Variants in ASIC2 observed in about 807,000 individuals in gnomAD.
The protein encoded by ASIC2 is acid-sensing ion channel 2.
Under a neutral mutation model 57.3 loss-of-function variants are expected in ASIC2, and 25 were observed. That is an observed-to-expected ratio of 0.44 (90% CI 0.32 to 0.61). The LOEUF is 0.61. Among genes scored for constraint, ASIC2 ranks in the 20% least tolerant of loss-of-function variants. The probability of loss-of-function intolerance (pLI) is 0.06; values close to 1 mark genes in which losing one functional copy is unlikely to be tolerated. For missense variants in ASIC2, 641 were observed against 738.1 expected (o/e 0.87, Z 1.52); for synonymous variants, 319 against 307.5 (o/e 1.04, Z -0.39).
intron 1 of ASIC2, among the ~76,000 whole-genome samples, chr17:33,394,558 G>A (rs983443728): frequency 6.6e-6 from 1 of 152,212 alleles, no homozygotes; most frequent in Non-Finnish European, 1.5e-5. Context: ...CAGGGTATGA[G>A]GGACAGAGAG....
intron 1 of ASIC2, among the ~76,000 whole-genome samples, chr17:33,489,676 A>G (rs1004002772): frequency 2.0e-5 from 3 of 152,198 alleles, no homozygotes; most frequent in Admixed American, 6.5e-5. Context: ...CTGAAACTAG[A>G]TTTGCTCTAC....
chr17:33,382,229 G>A (rs72821141), intron 1 of ASIC2, among the ~76,000 whole-genome samples: 39 of 152,262 alleles, frequency 2.6e-4, no homozygotes, highest in Non-Finnish European at 5.4e-4. Flanking sequence ...CTTAGGGCAG[G>A]AATCTGGGCC....
chr17:33,092,293 G>A (rs557458435), intron 2 of ASIC2, among the ~76,000 whole-genome samples: 1 of 152,232 alleles, frequency 6.6e-6, no homozygotes, highest in South Asian at 2.1e-4. Context: ...TGCTTTCCAG[G>A]TTGGTAGTGA....
rs191905118 is a variant in ASIC2, at chr17:33,202,685, C to T, written c.708+88723G>A. Among the ~76,000 whole-genome samples, 18 of 152,290 alleles carry T rather than the reference C, an allele frequency of 1.2e-4. No homozygotes were observed. In the East Asian group the frequency reaches 3.3e-3, roughly 28 times the overall value. ...ACTAGATAAGAGTTGCTATGGAGAG[C>T]GAACGTGACTTTAAGACATAATTGC... is the stretch of plus-strand genomic sequence containing the variant. On this transcript the variant is annotated intron_variant, in intron 1 of 9. Coordinates refer to ENST00000225823, the MANE Select transcript of ASIC2 (RefSeq NM_183377.2).
At chr17:33,325,545 A>C (rs1357321479) in intron 1 of ASIC2, among the ~76,000 whole-genome samples, 1 of 152,180 alleles carries the variant, frequency 6.6e-6, no homozygotes, top group Non-Finnish European at 1.5e-5. Flanking sequence ...ACAGGAATGC[A>C]GTCAACATCA....
chr17:33,042,454 A>G (rs1246210595), intron 3 of ASIC2, among the ~76,000 whole-genome samples: 1 of 152,266 alleles, frequency 6.6e-6, no homozygotes, highest in Non-Finnish European at 1.5e-5. Context: ...TACTTGCCCA[A>G]AAGACTCACT....
chr17:33,924,598 G>A (rs1181265792), intron 1 of ASIC2, among the ~76,000 whole-genome samples: 1 of 152,220 alleles, frequency 6.6e-6, no homozygotes, highest in Non-Finnish European at 1.5e-5. Context: ...AACTTGCCTA[G>A]TGTGAAGTGG....
At chr17:33,966,487 G>A (rs541152511) in intron 1 of ASIC2, among the ~76,000 whole-genome samples, 5 of 152,034 alleles carry the variant, frequency 3.3e-5, no homozygotes, top group African/African-American at 1.2e-4. Context: ...AAACATATCC[G>A]AACCGCCATA....
At chr17:33,299,946 G>A (rs185842688) in intron 1 of ASIC2, among the ~76,000 whole-genome samples, 33 of 152,270 alleles carry the variant, frequency 2.2e-4, no homozygotes, top group Non-Finnish European at 3.8e-4. Flanking sequence ...AAATCACACC[G>A]GTTGATACTG....
chr17:33,573,022 A>T (rs184679820), intron 1 of ASIC2, among the ~76,000 whole-genome samples: 40 of 152,344 alleles, frequency 2.6e-4, no homozygotes, highest in Admixed American at 3.9e-4. Context: ...TTCTTCCAGA[A>T]AGATAGATTT....
intron 9 of ASIC2, among the ~76,000 whole-genome samples, chr17:33,015,560 C>T (rs1008937468): frequency 6.6e-6 from 1 of 152,194 alleles, no homozygotes; most frequent in African/African-American, 2.4e-5. Flanking sequence ...CATGGGGCTC[C>T]ATACTCTATC....
At chr17:34,047,979 C>T (rs150685294) in intron 1 of ASIC2, among the ~76,000 whole-genome samples, 1 of 152,312 alleles carries the variant, frequency 6.6e-6, no homozygotes, top group Non-Finnish European at 1.5e-5. Context: ...ACACCATATC[C>T]TCAATAGGGC....
rs555524840 is a variant in ASIC2, at chr17:33,465,899, T to A, written c.556-353832A>T. Among the ~76,000 whole-genome samples the A allele has an allele frequency of 2.3e-4, 35 of 152,250 alleles. 1 individual carries two copies. The highest frequency in any genetic ancestry group is 2.0e-3 in the Admixed American group (30 of 15,298). ...ACCAGAGTATTTTTCTTGGTAGCTG[T>A]TGGATTCAAGTCTTAAAAACTGTAA... On this transcript the variant is annotated intron_variant, in intron 1 of 9. Transcript: ENST00000359872.
At chr17:33,174,756 C>T (rs937491786) in intron 1 of ASIC2, among the ~76,000 whole-genome samples, 1 of 152,202 alleles carries the variant, frequency 6.6e-6, no homozygotes, top group African/African-American at 2.4e-5. Flanking sequence ...ACTATGGAAG[C>T]TCATATGGAG....
At chr17:33,523,101 T>C (rs748737466) in intron 1 of ASIC2, among the ~76,000 whole-genome samples, 11 of 152,230 alleles carry the variant, frequency 7.2e-5, no homozygotes, top group Non-Finnish European at 1.2e-4. Flanking sequence ...GAAAAGACCC[T>C]TCTCTTTTCT....
chr17:34,125,307 G>A (rs772120946), intron 1 of ASIC2, among the ~76,000 whole-genome samples: 3 of 152,000 alleles, frequency 2.0e-5, no homozygotes, highest in African/African-American at 7.3e-5. Flanking sequence ...ATGTGTATAC[G>A]TGTGCGCATG....
At chr17:33,056,109 GGCCAAGTGATTT>G (rs916488824) in intron 3 of ASIC2, among the ~76,000 whole-genome samples, 7 of 152,184 alleles carry the variant, frequency 4.6e-5, no homozygotes, top group African/African-American at 1.7e-4. Flanking sequence ...GATCCAGAAA[GGCCAAGTGATTT>G]GCCTCTGGTC....
At chr17:33,557,271 T>C (rs1189976007) in intron 1 of ASIC2, among the ~76,000 whole-genome samples, 4 of 151,860 alleles carry the variant, frequency 2.6e-5, no homozygotes, top group Admixed American at 2.6e-4. Flanking sequence ...AGGTCTATAT[T>C]ACTCTAAAGT....
chr17:34,133,376 G>A (rs560888918), intron 1 of ASIC2, among the ~76,000 whole-genome samples: 1 of 152,178 alleles, frequency 6.6e-6, no homozygotes, highest in Admixed American at 6.5e-5. Context: ...ACCTAAAAAA[G>A]GTGCTGGGAG....
Sources: gnomAD v4.1 joint callset for allele counts (sites outside exome capture counted in the v4.1 genomes callset) on GRCh38, gnomAD v4.1.1 for gene constraint, MANE v1.5 for transcripts, NCBI Gene and HGNC (gene_info 2026-07-23, HGNC 2026-07-21) for gene names.